The following ARHGAP24 variants were observed in gnomAD, a reference collection of about 807,000 sequenced individuals.
ARHGAP24 encodes the protein Rho GTPase activating protein 24.
ARHGAP24 carries 50 observed loss-of-function variants against 76.4 expected under a neutral mutation model. That is an observed-to-expected ratio of 0.65 (90% CI 0.52 to 0.83). ARHGAP24 has a LOEUF of 0.83. Among genes scored for constraint, ARHGAP24 ranks in the 40% least tolerant of loss-of-function variants. The pLI, the probability that ARHGAP24 is intolerant of heterozygous loss-of-function variation, is 0.00. For synonymous variants in ARHGAP24, 345 were observed against 323.3 expected, an observed-to-expected ratio of 1.07 and a Z score of -0.72; for missense variants, 930 against 914.2, an observed-to-expected ratio of 1.02 and a Z score of -0.22.
chr4:85,906,866 G>C (rs915853262), intron 3 of ARHGAP24, among the ~76,000 whole-genome samples: 1 of 152,088 alleles, frequency 6.6e-6, no homozygotes, highest in African/African-American at 2.4e-5. Flanking sequence ...CATATCTTAG[G>C]CGGATTCCTC....
chr4:85,513,914 C>T (rs1724383227), intron 1 of ARHGAP24, among the ~76,000 whole-genome samples: 1 of 152,202 alleles, frequency 6.6e-6, no homozygotes, highest in East Asian at 1.9e-4. Context: ...TTCACTTGCT[C>T]TACTTGACGA....
intron 2 of ARHGAP24, among the ~76,000 whole-genome samples, chr4:85,674,324 T>C (rs1722904862): frequency 1.3e-5 from 2 of 152,208 alleles, no homozygotes; most frequent in African/African-American, 4.8e-5. Flanking sequence ...ATTCAAGCAG[T>C]CTTGCTGAAC....
chr4:85,809,522 A>G (rs1415704543), intron 3 of ARHGAP24, among the ~76,000 whole-genome samples: 1 of 152,226 alleles, frequency 6.6e-6, no homozygotes, highest in African/African-American at 2.4e-5. Flanking sequence ...GGAATATATT[A>G]ATGCCTATAA....
At chr4:85,763,264 C>A (rs73833243) in intron 3 of ARHGAP24, among the ~76,000 whole-genome samples, 1,680 of 152,230 alleles carry the variant, frequency 0.011, 30 homozygotes, top group African/African-American at 0.038. Flanking sequence ...AGGCAAAAAA[C>A]CAAATGCAGC....
chr4:85,824,788 T>A (rs1485689352), intron 3 of ARHGAP24, among the ~76,000 whole-genome samples: 1 of 152,184 alleles, frequency 6.6e-6, no homozygotes, highest in African/African-American at 2.4e-5. Context: ...CTAGCAGTAG[T>A]GTTTGAGAAA....
intron 3 of ARHGAP24, among the ~76,000 whole-genome samples, chr4:85,854,484 A>G (rs17011082): frequency 0.11 from 17,416 of 152,248 alleles, 1,002 homozygotes; most frequent in Middle Eastern, 0.14. Context: ...CTTTTAAACT[A>G]CTTGACATTT....
intron 1 of ARHGAP24, among the ~76,000 whole-genome samples, chr4:85,562,320 A>G (rs1169201010): frequency 1.3e-5 from 2 of 152,216 alleles, no homozygotes; most frequent in East Asian, 1.9e-4. Flanking sequence ...GATAGTAATC[A>G]AGGAAAGACA....
At chr4:85,698,283 T>G (rs1348876357) in intron 2 of ARHGAP24, among the ~76,000 whole-genome samples, 2 of 152,194 alleles carry the variant, frequency 1.3e-5, no homozygotes, top group East Asian at 3.9e-4. Flanking sequence ...TTGGCAGGGT[T>G]TCTGTGACTG....
chr4:85,981,922 G>A (rs1739692729), intron 8 of ARHGAP24, among the ~76,000 whole-genome samples: 1 of 151,940 alleles, frequency 6.6e-6, no homozygotes, highest in Non-Finnish European at 1.5e-5. Flanking sequence ...GGCGCTTTGG[G>A]GATATTCTAT....
chr4:85,654,235 T>C (rs1722050665), intron 2 of ARHGAP24, among the ~76,000 whole-genome samples: 1 of 152,188 alleles, frequency 6.6e-6, no homozygotes, highest in Admixed American at 6.6e-5. Flanking sequence ...GCCTTCTCAC[T>C]GTGTCCTCAC....
intron 1 of ARHGAP24, among the ~76,000 whole-genome samples, chr4:85,564,493 T>G (rs71599415): frequency 0.02 from 3,104 of 151,516 alleles, 52 homozygotes; most frequent in Non-Finnish European, 0.033. Context: ...TATACATATG[T>G]AACAAACCTG....
At chr4:85,827,860 C>T in intron 3 of ARHGAP24, 1 of 1,264,074 alleles carries the variant, frequency 7.9e-7, no homozygotes, top group Non-Finnish European at 1.0e-6. Context: ...ACAGTAGGAC[C>T]TGAGTTGGGC....
intron 1 of ARHGAP24, among the ~76,000 whole-genome samples, chr4:85,485,323 G>A (rs576145861): frequency 3.0e-4 from 33 of 108,350 alleles, no homozygotes; most frequent in African/African-American, 1.1e-3. Flanking sequence ...ACTTCAGCCT[G>A]GGTGACAGAG....
chr4:85,827,518 T>TGTGTA (rs1368669294), intron 3 of ARHGAP24, among the ~76,000 whole-genome samples: 1 of 57,932 alleles, frequency 1.7e-5, no homozygotes, highest in Non-Finnish European at 4.0e-5. Context: ...GTGTGTGTGT[T>TGTGTA]TAGAGAGAGA....
intron 2 of ARHGAP24, among the ~76,000 whole-genome samples, chr4:85,668,055 T>G (rs1722699859): frequency 6.6e-6 from 1 of 152,242 alleles, no homozygotes; most frequent in African/African-American, 2.4e-5. Context: ...AAGGCTTATT[T>G]AAATGCTGTT....
intron 1 of ARHGAP24, among the ~76,000 whole-genome samples, chr4:85,561,621 A>G (rs1451246468): frequency 6.6e-6 from 1 of 152,188 alleles, no homozygotes; most frequent in Non-Finnish European, 1.5e-5. Flanking sequence ...AAAACCTTCT[A>G]TATGTCCTTC....
At chr4:85,625,267 T>C (rs1720900810) in intron 2 of ARHGAP24, among the ~76,000 whole-genome samples, 1 of 152,330 alleles carries the variant, frequency 6.6e-6, no homozygotes, top group South Asian at 2.1e-4. Flanking sequence ...TTCTGGTACG[T>C]TGTGTCTTTG....
intron 2 of ARHGAP24, among the ~76,000 whole-genome samples, chr4:85,638,186 T>C (rs1564559): frequency 0.13 from 19,136 of 152,206 alleles, 1,529 homozygotes; most frequent in South Asian, 0.2. Flanking sequence ...GCTGTGATGA[T>C]TTAGCTAGAG....
intron 1 of ARHGAP24, among the ~76,000 whole-genome samples, chr4:85,569,619 C>G (rs928041387): frequency 5.9e-5 from 9 of 152,288 alleles, no homozygotes; most frequent in African/African-American, 2.2e-4. Flanking sequence ...ACACCACACC[C>G]TCCTGAAGCT....
Sources: allele counts gnomAD v4.1 joint callset (sites outside exome capture counted in the v4.1 genomes callset), GRCh38; gene constraint gnomAD v4.1.1; transcripts MANE v1.5; gene names NCBI Gene and HGNC (gene_info 2026-07-23, HGNC 2026-07-21).